Variants in AFAP1L2 observed in about 807,000 individuals in gnomAD.
The protein encoded by AFAP1L2 is actin filament associated protein 1 like 2, also known as actin filament-associated protein 1-like 2.
Under a neutral mutation model 99.3 loss-of-function variants are expected in AFAP1L2, and 46 were observed. That is an observed-to-expected ratio of 0.46 (90% CI 0.37 to 0.59). The LOEUF is 0.59. Among genes scored for constraint, AFAP1L2 ranks in the 20% least tolerant of loss-of-function variants. AFAP1L2 has a pLI of 0.00. For synonymous variants in AFAP1L2, 397 were observed against 419.1 expected (o/e 0.95, Z 0.64); for missense variants, 959 against 1,034.9 (o/e 0.93, Z 1.01).
At chr10:114,344,769 T>C (rs914078614) in intron 1 of AFAP1L2, among the ~76,000 whole-genome samples, 1 of 152,128 alleles carries the variant, frequency 6.6e-6, no homozygotes, top group Non-Finnish European at 1.5e-5. Flanking sequence ...GAGGAATGCA[T>C]AGGAGCTCAC....
intron 1 of AFAP1L2, among the ~76,000 whole-genome samples, chr10:114,352,479 TAAAA>T (rs766929781): frequency 7.0e-5 from 5 of 71,372 alleles, no homozygotes; most frequent in Admixed American, 4.6e-4. Context: ...GTCTCCAAAT[TAAAA>T]AAAAAAAAAA....
intron 1 of AFAP1L2, among the ~76,000 whole-genome samples, chr10:114,345,140 C>T (rs2049344172): frequency 6.8e-6 from 1 of 148,064 alleles, no homozygotes; most frequent in Admixed American, 6.8e-5. Flanking sequence ...ATGAGATGCT[C>T]AGAAAACTTG....
At chr10:114,375,776 C>A (rs1565030418) in intron 1 of AFAP1L2, among the ~76,000 whole-genome samples, 1 of 152,072 alleles carries the variant, frequency 6.6e-6, no homozygotes, top group Non-Finnish European at 1.5e-5. Flanking sequence ...GAGTTCCAGA[C>A]CAGCCTGGGC....
At chr10:114,404,412 G>C in intron 1 of AFAP1L2, 28 bp downstream of exon 1, 1 of 1,539,290 alleles carries the variant, frequency 6.5e-7, no homozygotes, top group Non-Finnish European at 8.7e-7. Context: ...GAGTGGGTGT[G>C]CGCCGCGCGA....
intron 1 of AFAP1L2, among the ~76,000 whole-genome samples, chr10:114,368,282 G>T (rs904149110): frequency 1.3e-5 from 2 of 152,174 alleles, no homozygotes; most frequent in Non-Finnish European, 2.9e-5. Context: ...GATGGTTGCT[G>T]GGGGTGGGGG....
At chr10:114,369,680 C>T (rs2053847596) in intron 1 of AFAP1L2, among the ~76,000 whole-genome samples, 1 of 151,784 alleles carries the variant, frequency 6.6e-6, no homozygotes, top group African/African-American at 2.4e-5. Context: ...CTCATGAACC[C>T]ATTTCTGAGC....
intron 6 of AFAP1L2, among the ~76,000 whole-genome samples, chr10:114,314,483 T>C (rs867867377): frequency 4.6e-4 from 70 of 152,350 alleles, no homozygotes; most frequent in African/African-American, 1.7e-3. Flanking sequence ...AAGCCTCTTA[T>C]CTGCCTAGTT....
intron 1 of AFAP1L2, among the ~76,000 whole-genome samples, chr10:114,362,444 A>G (rs2052572571): frequency 6.6e-6 from 1 of 152,184 alleles, no homozygotes; most frequent in Non-Finnish European, 1.5e-5. Flanking sequence ...GATCCAAGAC[A>G]CAGAGAATAA....
chr10:114,282,657 A>C, the AFAP1L2 span: 1 of 1,230,962 alleles, frequency 8.1e-7, no homozygotes, highest in South Asian at 1.2e-5. Context: ...ATCCTGGGAC[A>C]GAGGGTGGGG....
At chr10:114,392,998 C>T (rs775728603) in intron 1 of AFAP1L2, among the ~76,000 whole-genome samples, 53 of 152,090 alleles carry the variant, frequency 3.5e-4, no homozygotes, top group Non-Finnish European at 6.0e-4. Context: ...GATTGTCATC[C>T]CACATCTCCT....
the AFAP1L2 span, chr10:114,289,633 A>T: frequency 1.1e-6 from 1 of 873,148 alleles, no homozygotes; most frequent in East Asian, 2.5e-5. Flanking sequence ...GCTAAACCCC[A>T]TGCTCACATA....
rs760027533 is a variant in AFAP1L2 at position 114,340,771 on chromosome 10, G to A, written c.17-40C>T. On this transcript the variant is annotated intron_variant, in intron 1 of 18. Coordinates refer to ENST00000304129, the MANE Select transcript of AFAP1L2 (RefSeq NM_001001936.3). ...CAGAAGAAACTTATAGTGGCTGCCC[G>A]CTCTCCAAAGCCCAGCTCAGATACA... is the stretch of plus-strand genomic sequence containing the variant. 1.5e-4 allele frequency: 234 copies of A among 1,613,522 alleles called. 1 individual carries two copies. The South Asian group carries it at 1.5e-3, about 10-fold the overall frequency.
chr10:114,371,513 T>C (rs1194044134), intron 1 of AFAP1L2, among the ~76,000 whole-genome samples: 2 of 152,056 alleles, frequency 1.3e-5, no homozygotes, highest in Non-Finnish European at 2.9e-5. Flanking sequence ...AACTCCTATG[T>C]TTACTTTTTC....
chr10:114,322,643 C>A (rs534624916), intron 5 of AFAP1L2, among the ~76,000 whole-genome samples: 1 of 152,350 alleles, frequency 6.6e-6, no homozygotes, highest in Admixed American at 6.5e-5. Context: ...TCACCACCGA[C>A]ACATGCTGTT....
chr10:114,310,322 G>T (rs1442103530), intron 8 of AFAP1L2, 32 bp downstream of exon 8: 1 of 1,577,810 alleles, frequency 6.3e-7, no homozygotes, highest in East Asian at 2.2e-5. Context: ...ACATGGAAGG[G>T]GACTCTCCCT....
chr10:114,284,924 C>T, the AFAP1L2 span: 2 of 1,605,438 alleles, frequency 1.2e-6, no homozygotes, highest in East Asian at 2.3e-5. Flanking sequence ...GACTGGACGG[C>T]TACCAGTGCC....
the AFAP1L2 span, chr10:114,285,845 TCTCC>T: frequency 2.3e-6 from 3 of 1,325,424 alleles, no homozygotes; most frequent in Non-Finnish European, 2.0e-6. Context: ...CTCTGCACCA[TCTCC>T]CTCCTGGGAG....
intron 2 of AFAP1L2, among the ~76,000 whole-genome samples, chr10:114,336,419 C>T (rs2047982401): frequency 6.6e-6 from 1 of 152,222 alleles, no homozygotes; most frequent in African/African-American, 2.4e-5. Flanking sequence ...CAGCAGAAAA[C>T]AGATGTTACC....
At chr10:114,322,542 G>A (rs1198743724) in intron 5 of AFAP1L2, among the ~76,000 whole-genome samples, 2 of 152,194 alleles carry the variant, frequency 1.3e-5, no homozygotes, top group African/African-American at 4.8e-5. Context: ...ATCTGTTTAA[G>A]TCATGCTATC....
Sources: gnomAD v4.1 joint callset for allele counts (sites outside exome capture counted in the v4.1 genomes callset) on GRCh38, gnomAD v4.1.1 for gene constraint, MANE v1.5 for transcripts, NCBI Gene and HGNC (gene_info 2026-07-23, HGNC 2026-07-21) for gene names.